DRC1: variants seen among roughly 807,000 people sequenced by gnomAD.
The protein encoded by DRC1 is dynein regulatory complex protein 1.
DRC1 carries 74 observed loss-of-function variants against 98.7 expected under a neutral mutation model. The ratio of observed to expected loss-of-function variants is 0.75; its 90% CI spans 0.62 to 0.91. The LOEUF is 0.91. Among genes scored for constraint, DRC1 ranks in the 40% least tolerant of loss-of-function variants. The pLI is 0.00. For missense variants in DRC1, 875 were observed against 886.0 expected (o/e 0.99, Z 0.16); for synonymous variants, 336 against 334.1 (o/e 1.01, Z -0.06).
intron 13 of DRC1, among the ~76,000 whole-genome samples, chr2:26,451,709 G>T (rs947743339): frequency 2.6e-5 from 4 of 151,440 alleles, no homozygotes; most frequent in African/African-American, 9.7e-5. Context: ...AAAAAAAAGA[G>T]AAAAGAAAAA....
chr2:26,417,950 T>C (rs1678864626), intron 2 of DRC1, among the ~76,000 whole-genome samples: 1 of 152,188 alleles, frequency 6.6e-6, no homozygotes, highest in Non-Finnish European at 1.5e-5. Flanking sequence ...TGAGTTTTAT[T>C]TCTTCCTGTC....
intron 10 of DRC1, among the ~76,000 whole-genome samples, chr2:26,445,740 C>A (rs1663833340): frequency 6.6e-6 from 1 of 152,052 alleles, no homozygotes; most frequent in South Asian, 2.1e-4. Context: ...CTCACTGCAA[C>A]CTCCGCCTCC....
At chr2:26,452,016 C>T (rs79760982) in intron 13 of DRC1, among the ~76,000 whole-genome samples, 2,655 of 151,942 alleles carry the variant, frequency 0.017, 76 homozygotes, top group African/African-American at 0.059. Flanking sequence ...TATGAAAAGA[C>T]AATCAGCCTT....
At chr2:26,407,666 C>T (rs1375627082) in intron 1 of DRC1, among the ~76,000 whole-genome samples, 3 of 152,150 alleles carry the variant, frequency 2.0e-5, no homozygotes, top group African/African-American at 2.4e-5. Flanking sequence ...GCACCCTCCT[C>T]CTCATGTTTA....
chr2:26,402,275 G>T, intron 1 of DRC1, 131 bp downstream of exon 1: 2 of 1,362,860 alleles, frequency 1.5e-6, no homozygotes, highest in Non-Finnish European at 9.7e-7. Context: ...CTGGGCCGGT[G>T]CCGTGGCGCG....
chr2:26,416,646 T>C (rs1287112440), intron 2 of DRC1, among the ~76,000 whole-genome samples: 3 of 152,202 alleles, frequency 2.0e-5, no homozygotes, highest in African/African-American at 7.2e-5. Flanking sequence ...GATTTTTAGT[T>C]GACCCAGCAC....
rs572789293 is a variant in DRC1, at chr2:26,428,231, T to C, written c.541-1397T>C. On this transcript the variant is annotated intron_variant, in intron 4 of 16. Coordinates refer to ENST00000288710, the MANE Select transcript of DRC1 (RefSeq NM_145038.5). ...AAGCTTTGTCATAATTGTAGAATTA[T>C]TAGCTATCTAATAGAAATACAGTCA... is the stretch of plus-strand genomic sequence containing the variant. Among the ~76,000 whole-genome samples the C allele has an allele frequency of 8.5e-5, 13 of 152,366 alleles. No individual in the cohort carries two copies. In the South Asian group the frequency reaches 1.7e-3, roughly 19 times the overall value.
At chr2:26,443,325 C>A (rs1663764223) in intron 8 of DRC1, among the ~76,000 whole-genome samples, 1 of 152,184 alleles carries the variant, frequency 6.6e-6, no homozygotes, top group South Asian at 2.1e-4. Context: ...AACATTGCGC[C>A]TGCCATGCAT....
intron 2 of DRC1, among the ~76,000 whole-genome samples, chr2:26,419,299 G>T (rs1017543151): frequency 6.6e-6 from 1 of 152,140 alleles, no homozygotes; most frequent in Non-Finnish European, 1.5e-5. Context: ...AAGGTGAGGG[G>T]CATTTTGGTC....
chr2:26,418,579 T>G (rs866281870), intron 2 of DRC1, among the ~76,000 whole-genome samples: 1 of 105,002 alleles, frequency 9.5e-6, no homozygotes, highest in Non-Finnish European at 1.7e-5. Flanking sequence ...ATATATTATA[T>G]ATAAATTATA....
chr2:26,424,166 T>C, intron 3 of DRC1, 105 bp from the exon 4 acceptor site: 1 of 1,379,030 alleles, frequency 7.3e-7, no homozygotes, highest in South Asian at 1.3e-5. Flanking sequence ...GGGCAGTGCC[T>C]AGTACCTGGG....
At position 26,431,853 on chromosome 2, in the gene DRC1, T is replaced by A. The variant is rs774835950; in HGVS notation, c.766-31T>A. On this transcript the variant is annotated intron_variant, in intron 6 of 16. Coordinates refer to ENST00000288710, the MANE Select transcript of DRC1 (RefSeq NM_145038.5). ...ATTGAGGTGGGGCAAGGATGGTCCC[T>A]AACTTTTCCCTTGTCTTCCTGTGCC... 14 of 1,612,236 alleles carry A rather than the reference T, an allele frequency of 8.7e-6. 1 individual carries two copies. The South Asian group carries it at 1.5e-4, about 18-fold the overall frequency.
intron 4 of DRC1, among the ~76,000 whole-genome samples, chr2:26,427,475 T>C (rs1663316159): frequency 6.6e-6 from 1 of 152,108 alleles, no homozygotes; most frequent in South Asian, 2.1e-4. Flanking sequence ...TTATGGGGTA[T>C]ATAAGATATT....
chr2:26,451,146 T>C (rs2148005505), intron 13 of DRC1, among the ~76,000 whole-genome samples: 1 of 152,298 alleles, frequency 6.6e-6, no homozygotes, highest in East Asian at 1.9e-4. Flanking sequence ...AACTTAGCAT[T>C]TCCCTTATTG....
chr2:26,431,466 G>A (rs905613051), intron 6 of DRC1, among the ~76,000 whole-genome samples: 3 of 151,998 alleles, frequency 2.0e-5, no homozygotes, highest in Admixed American at 6.6e-5. Flanking sequence ...CATGGCCCAA[G>A]GTGTTTTAAG....
At chr2:26,453,076 G>T (rs1357966590) in intron 13 of DRC1, among the ~76,000 whole-genome samples, 1 of 152,140 alleles carries the variant, frequency 6.6e-6, no homozygotes, top group Non-Finnish European at 1.5e-5. Context: ...TGTCAGTAAG[G>T]TGAGCACCTA....
chr2:26,422,786 G>A (rs576762697), intron 3 of DRC1, among the ~76,000 whole-genome samples: 4 of 152,016 alleles, frequency 2.6e-5, no homozygotes, highest in Non-Finnish European at 5.9e-5. Flanking sequence ...GTGTGGTGGC[G>A]CGTGCACACC....
chr2:26,415,521 G>A (rs1678769227), intron 2 of DRC1, among the ~76,000 whole-genome samples: 1 of 152,204 alleles, frequency 6.6e-6, no homozygotes. Context: ...TTAGGGATAA[G>A]ATATTTTACT....
intron 7 of DRC1, among the ~76,000 whole-genome samples, chr2:26,437,540 G>A (rs915749714): frequency 6.6e-6 from 1 of 152,098 alleles, no homozygotes; most frequent in Non-Finnish European, 1.5e-5. Flanking sequence ...ATGGCCAGTG[G>A]GAGCATAAAC....
Sources: allele counts gnomAD v4.1 joint callset (sites outside exome capture counted in the v4.1 genomes callset), GRCh38; gene constraint gnomAD v4.1.1; transcripts MANE v1.5; gene names NCBI Gene and HGNC (gene_info 2026-07-23, HGNC 2026-07-21).